The following ERBB4 variants were observed in gnomAD, a reference collection of about 807,000 sequenced individuals.
The protein encoded by ERBB4 is receptor tyrosine-protein kinase erbB-4.
Under a neutral mutation model 158.0 loss-of-function variants are expected in ERBB4, and 42 were observed. The ratio of observed to expected loss-of-function variants is 0.27; its 90% CI spans 0.21 to 0.34. The LOEUF is 0.34. ERBB4 is among the 10% of genes least tolerant of loss of function. The pLI is 1.00. For synonymous variants in ERBB4, 583 were observed against 558.7 expected, an observed-to-expected ratio of 1.04 and a Z score of -0.61; for missense variants, 1,333 against 1,624.1, an observed-to-expected ratio of 0.82 and a Z score of 3.08.
At chr2:211,619,130 T>A in intron 19 of ERBB4, 47 bp downstream of exon 19, 1 of 1,090,936 alleles carries the variant, frequency 9.2e-7, no homozygotes, top group Non-Finnish European at 1.4e-6. Flanking sequence ...CTAAGCAGGC[T>A]ATTTGATAAT....
intron 2 of ERBB4, among the ~76,000 whole-genome samples, chr2:212,118,389 T>C (rs1471168762): frequency 2.0e-5 from 3 of 152,178 alleles, no homozygotes; most frequent in Non-Finnish European, 4.4e-5. Flanking sequence ...TTGGCAGTGT[T>C]TTGCTGTCTG....
intron 25 of ERBB4, among the ~76,000 whole-genome samples, chr2:211,391,632 T>A (rs1010059773): frequency 7.9e-5 from 12 of 152,180 alleles, no homozygotes; most frequent in Non-Finnish European, 1.6e-4. Context: ...TGCCAGAGAT[T>A]AAAGAGAAGG....
At chr2:212,107,638 G>T (rs1385526729) in intron 2 of ERBB4, among the ~76,000 whole-genome samples, 2 of 152,120 alleles carry the variant, frequency 1.3e-5, no homozygotes, top group African/African-American at 4.8e-5. Flanking sequence ...TTTGGGAGGG[G>T]CCAGGGGCAG....
At chr2:211,464,620 T>C (rs1251500402) in intron 20 of ERBB4, among the ~76,000 whole-genome samples, 1 of 152,152 alleles carries the variant, frequency 6.6e-6, no homozygotes. Flanking sequence ...CACTAATGCA[T>C]GTTCTACAAC....
At chr2:211,429,527 C>CA in intron 21 of ERBB4, among the ~76,000 whole-genome samples, 2 of 152,288 alleles carry the variant, frequency 1.3e-5, no homozygotes, top group Middle Eastern at 6.8e-3. Context: ...GATGATGGGT[C>CA]AGCAGAATGA....
intron 20 of ERBB4, among the ~76,000 whole-genome samples, chr2:211,467,755 T>C (rs987429074): frequency 6.6e-6 from 1 of 152,114 alleles, no homozygotes; most frequent in Non-Finnish European, 1.5e-5. Context: ...GGAAAGAAGC[T>C]AAATTCCTTG....
intron 1 of ERBB4, among the ~76,000 whole-genome samples, chr2:212,418,940 T>G (rs2091725038): frequency 6.6e-6 from 1 of 151,904 alleles, no homozygotes; most frequent in African/African-American, 2.4e-5. Context: ...AATACTGAAT[T>G]TCAATGCAAA....
At chr2:212,339,928 T>C (rs2088622963) in intron 1 of ERBB4, among the ~76,000 whole-genome samples, 1 of 152,156 alleles carries the variant, frequency 6.6e-6, no homozygotes, top group Non-Finnish European at 1.5e-5. Context: ...TATACATTTT[T>C]AAAAATTGTT....
intron 25 of ERBB4, among the ~76,000 whole-genome samples, chr2:211,409,143 T>G (rs2063204648): frequency 6.6e-6 from 1 of 152,086 alleles, no homozygotes; most frequent in African/African-American, 2.4e-5. Flanking sequence ...AATTGCTATT[T>G]ATTGAAGATT....
chr2:211,887,848 T>A (rs1206330108), intron 3 of ERBB4, among the ~76,000 whole-genome samples: 1 of 152,206 alleles, frequency 6.6e-6, no homozygotes, highest in African/African-American at 2.4e-5. Flanking sequence ...GTTTTGTTTA[T>A]TAATATGCTT....
intron 2 of ERBB4, among the ~76,000 whole-genome samples, chr2:212,118,052 C>T (rs2079622551): frequency 6.6e-6 from 1 of 152,192 alleles, no homozygotes. Flanking sequence ...AGCCCGGACA[C>T]AGAGTTAAAA....
intron 2 of ERBB4, among the ~76,000 whole-genome samples, chr2:212,006,506 G>T (rs2076263247): frequency 6.6e-6 from 1 of 151,896 alleles, no homozygotes; most frequent in African/African-American, 2.4e-5. Context: ...TATACCTAGG[G>T]AAAATAACCC....
At chr2:212,100,380 T>C (rs991048449) in intron 2 of ERBB4, among the ~76,000 whole-genome samples, 12 of 152,214 alleles carry the variant, frequency 7.9e-5, no homozygotes, top group Admixed American at 2.6e-4. Context: ...CAAATTGTTC[T>C]CCCTTATCAC....
At chr2:212,414,928 T>G (rs2091609554) in intron 1 of ERBB4, among the ~76,000 whole-genome samples, 1 of 152,270 alleles carries the variant, frequency 6.6e-6, no homozygotes, top group South Asian at 2.1e-4. Flanking sequence ...ATTCAGAGAA[T>G]TGAATCCAGA....
At chr2:211,934,293 C>T (rs2080253934) in intron 3 of ERBB4, among the ~76,000 whole-genome samples, 1 of 151,816 alleles carries the variant, frequency 6.6e-6, no homozygotes, top group South Asian at 2.1e-4. Context: ...CTTAGCCTGT[C>T]CATTTATACT....
intron 1 of ERBB4, among the ~76,000 whole-genome samples, chr2:212,447,007 T>A (rs1004683411): frequency 2.0e-5 from 3 of 151,494 alleles, no homozygotes; most frequent in African/African-American, 4.8e-5. Flanking sequence ...TTTTTTTTTT[T>A]TTTTATTTTG....
At chr2:211,656,079 CA>C (rs772923595) in intron 16 of ERBB4, among the ~76,000 whole-genome samples, 1 of 152,100 alleles carries the variant, frequency 6.6e-6, no homozygotes, top group Admixed American at 6.5e-5. Flanking sequence ...GCATAGAATA[CA>C]AACTGTATGA....
chr2:212,110,697 CT>C (rs1399307402), intron 2 of ERBB4, among the ~76,000 whole-genome samples: 5 of 152,218 alleles, frequency 3.3e-5, no homozygotes, highest in Non-Finnish European at 5.9e-5. Flanking sequence ...AATAAAAAAG[CT>C]CTTCATCTTA....
intron 3 of ERBB4, among the ~76,000 whole-genome samples, chr2:211,811,669 G>A (rs886461469): frequency 2.6e-5 from 4 of 151,620 alleles, no homozygotes; most frequent in Non-Finnish European, 5.9e-5. Context: ...TGTAGATTTG[G>A]TCCTTTCACA....
Sources: gnomAD v4.1 joint callset for allele counts (sites outside exome capture counted in the v4.1 genomes callset) on GRCh38, gnomAD v4.1.1 for gene constraint, MANE v1.5 for transcripts, NCBI Gene and HGNC (gene_info 2026-07-23, HGNC 2026-07-21) for gene names.